Variants in RBFOX1 observed in about 807,000 individuals in gnomAD.
RBFOX1 encodes the protein RNA binding protein fox-1 homolog 1.
In RBFOX1, 8 loss-of-function variants were observed where a neutral mutation model predicts 57.7. The ratio of observed to expected loss-of-function variants is 0.14; its 90% confidence interval spans 0.08 to 0.25. The LOEUF is 0.25. Ranked by LOEUF, RBFOX1 falls within the 10% of genes least tolerant of loss-of-function variation. RBFOX1 has a pLI of 1.00. For missense variants in RBFOX1, 611 were observed against 548.5 expected (o/e 1.11, Z -1.14); for synonymous variants, 326 against 222.4 (o/e 1.47, Z -4.15).
intron 4 of RBFOX1, among the ~76,000 whole-genome samples, chr16:7,116,541 C>G (rs1210186523): frequency 3.3e-5 from 5 of 152,150 alleles, no homozygotes; most frequent in African/African-American, 9.7e-5. Flanking sequence ...CTCCAGCTTA[C>G]TGTATATTTC....
chr16:5,366,046 G>A, intron 1 of RBFOX1: 1 of 482,424 alleles, frequency 2.1e-6, no homozygotes, highest in Non-Finnish European at 4.1e-6. Flanking sequence ...TGTCTGTACA[G>A]CAATGGTTTC....
chr16:5,410,972 G>C (rs974168211), intron 1 of RBFOX1, among the ~76,000 whole-genome samples: 1 of 152,190 alleles, frequency 6.6e-6, no homozygotes, highest in Non-Finnish European at 1.5e-5. Flanking sequence ...AAAGGTTGGC[G>C]TGAAGATTAG....
chr16:7,512,152 C>T (rs2075266025), intron 4 of RBFOX1, among the ~76,000 whole-genome samples: 1 of 152,150 alleles, frequency 6.6e-6, no homozygotes, highest in Non-Finnish European at 1.5e-5. Context: ...AAGGCAGCTT[C>T]TGCAAATGAG....
At chr16:5,308,290 A>G (rs1019176415) in intron 1 of RBFOX1, among the ~76,000 whole-genome samples, 3 of 151,730 alleles carry the variant, frequency 2.0e-5, no homozygotes, top group African/African-American at 7.3e-5. Flanking sequence ...TTGCGCCACT[A>G]CACTCTAGCC....
chr16:6,017,497 G>A (rs984715195), upstream of RBFOX1, among the ~76,000 whole-genome samples: 1 of 151,994 alleles, frequency 6.6e-6, no homozygotes, highest in African/African-American at 2.4e-5. Context: ...TGCTATCACT[G>A]AAGGATGAGA....
In RBFOX1 at chr16:6,753,201, G is replaced by C. The variant is rs952805679; in HGVS notation, c.-16+98551G>C. Among the ~76,000 whole-genome samples the C allele has an allele frequency of 2.0e-5, 3 of 152,184 alleles. No individual in the cohort carries two copies. The East Asian group carries it at 5.8e-4, about 29-fold the overall frequency. On this transcript the variant is annotated intron_variant, in intron 3 of 15. Transcript: ENST00000550418. ...AAAATAAGATGGGTTGATGGTTGCA[G>C]AGAGGGATGGACAGATGGAAATAGC...
At chr16:7,602,894 G>T (rs1043290552) in intron 9 of RBFOX1, among the ~76,000 whole-genome samples, 15 of 152,162 alleles carry the variant, frequency 9.9e-5, no homozygotes, top group African/African-American at 3.6e-4. Context: ...TATTTTCTTA[G>T]ACCATAATAG....
At chr16:6,797,354 A>T (rs1045522111) in intron 3 of RBFOX1, among the ~76,000 whole-genome samples, 5 of 152,294 alleles carry the variant, frequency 3.3e-5, no homozygotes, top group Middle Eastern at 3.4e-3. Flanking sequence ...AATCATTATG[A>T]AGCAGAGAGT....
rs866533779 is a variant in RBFOX1, at chr16:6,830,318, A to T, written c.-16+175668A>T. Among the ~76,000 whole-genome samples the T allele has an allele frequency of 3.3e-5, 5 of 152,230 alleles. No individual in the cohort carries two copies. The South Asian group carries it at 1.0e-3, about 32-fold the overall frequency. ...AAGTCTAAAATAATACAGAACTATT[A>T]TTCCTGGTTAGTTCCTAACATTGTT... is the stretch of plus-strand genomic sequence containing the variant. On this transcript the variant is annotated intron_variant, in intron 3 of 15. Coordinates refer to ENST00000550418, the MANE Select transcript of RBFOX1 (RefSeq NM_018723.4).
chr16:6,055,589 T>TG (rs1567345234), intron 1 of RBFOX1, among the ~76,000 whole-genome samples: 265 of 27,726 alleles, frequency 9.6e-3, no homozygotes, highest in African/African-American at 0.025. Context: ...TGAGACTCCG[T>TG]CAAAAAAAAA....
intron 4 of RBFOX1, among the ~76,000 whole-genome samples, chr16:7,065,096 G>A (rs1421594421): frequency 6.6e-6 from 1 of 152,184 alleles, no homozygotes; most frequent in African/African-American, 2.4e-5. Context: ...TTCATCTCTG[G>A]AGTTTACAGC....
chr16:6,336,217 G>A (rs1231416071), intron 2 of RBFOX1, among the ~76,000 whole-genome samples: 410 of 32,316 alleles, frequency 0.013, 6 homozygotes, highest in Middle Eastern at 0.031. Context: ...TTTTTTTTTT[G>A]AGATGGAGTC....
intron 14 of RBFOX1, among the ~76,000 whole-genome samples, chr16:7,702,820 C>A (rs1349337636): frequency 2.6e-5 from 4 of 152,166 alleles, no homozygotes; most frequent in African/African-American, 9.7e-5. Context: ...CAATGCAAAC[C>A]AAAGGATTGT....
intron 4 of RBFOX1, among the ~76,000 whole-genome samples, chr16:7,376,879 G>C (rs577747572): frequency 1.3e-5 from 2 of 152,102 alleles, no homozygotes; most frequent in African/African-American, 2.4e-5. Flanking sequence ...TTCCCTACCA[G>C]TGTCTGGATT....
chr16:7,149,928 G>A (rs1424532575), intron 4 of RBFOX1, among the ~76,000 whole-genome samples: 1 of 152,112 alleles, frequency 6.6e-6, no homozygotes, highest in Non-Finnish European at 1.5e-5. Flanking sequence ...CCCGTGGCTT[G>A]TTATTTGCAA....
intron 3 of RBFOX1, among the ~76,000 whole-genome samples, chr16:6,823,305 G>A (rs1053628921): frequency 1.3e-5 from 2 of 151,266 alleles, no homozygotes; most frequent in Non-Finnish European, 1.5e-5. Flanking sequence ...CACCGTGGCT[G>A]GAGTGCAATG....
chr16:7,040,094 C>T (rs1040911631), intron 3 of RBFOX1, among the ~76,000 whole-genome samples: 1 of 151,904 alleles, frequency 6.6e-6, no homozygotes, highest in South Asian at 2.1e-4. Context: ...GATCTCAGCT[C>T]ACTGCAACCT....
At chr16:6,621,406 G>A (rs548272311) in intron 2 of RBFOX1, among the ~76,000 whole-genome samples, 20 of 152,334 alleles carry the variant, frequency 1.3e-4, no homozygotes, top group African/African-American at 4.1e-4. Context: ...GGAGCTTGCA[G>A]TGAACCAAGA....
chr16:5,931,331 G>A (rs542576194), intron 4 of RBFOX1, among the ~76,000 whole-genome samples: 17 of 152,210 alleles, frequency 1.1e-4, no homozygotes, highest in Middle Eastern at 3.4e-3. Flanking sequence ...ATCAAGGTGC[G>A]GGGAAAGGGG....
Sources: gnomAD v4.1 joint callset for allele counts (sites outside exome capture counted in the v4.1 genomes callset) on GRCh38, gnomAD v4.1.1 for gene constraint, MANE v1.5 for transcripts, NCBI Gene and HGNC (gene_info 2026-07-23, HGNC 2026-07-21) for gene names.